LRRFIP2: variants seen among roughly 807,000 people sequenced by gnomAD.
The protein encoded by LRRFIP2 is leucine-rich repeat flightless-interacting protein 2.
In LRRFIP2, 109 loss-of-function variants were observed where a neutral mutation model predicts 125.9. The observed-to-expected ratio is 0.87, with a 90% confidence interval of 0.74 to 1.01. The LOEUF is 1.01. Among genes scored for constraint, LRRFIP2 ranks in the 50% least tolerant of loss-of-function variants. The pLI, the probability that LRRFIP2 is intolerant of heterozygous loss-of-function variation, is 0.00. For synonymous variants in LRRFIP2, 291 were observed against 293.1 expected (o/e 0.99, Z 0.07); for missense variants, 850 against 862.3 (o/e 0.99, Z 0.18).
intron 1 of LRRFIP2, among the ~76,000 whole-genome samples, chr3:37,152,406 CATAA>C (rs2096059282): frequency 6.6e-6 from 1 of 152,188 alleles, no homozygotes; most frequent in Admixed American, 6.5e-5. Context: ...AACTTACCCA[CATAA>C]CCAAAAACCA....
At chr3:37,067,553 G>T (rs928156201) in intron 21 of LRRFIP2, 7 of 152,194 alleles carry the variant, frequency 4.6e-5, no homozygotes, top group African/African-American at 1.4e-4. Context: ...ACAGCGAATT[G>T]CTGAGAAATT....
At position 37,106,582 on chromosome 3, in the gene LRRFIP2, A is replaced by C. The variant is rs553888112; in HGVS notation, c.715-1059T>G. Among the ~76,000 whole-genome samples the C allele has an allele frequency of 2.0e-5, 3 of 152,344 alleles. No homozygotes were observed. The East Asian group carries it at 5.8e-4, about 29-fold the overall frequency. On this transcript the variant is annotated intron_variant, in intron 13 of 27. Transcript: ENST00000336686. ...CAGCTACTCAGGAGGCTGAGGCAGG[A>C]GGATTACTTGAGCCCAAGAGTTCAA...
intron 1 of LRRFIP2, among the ~76,000 whole-genome samples, chr3:37,164,816 C>T (rs1398072969): frequency 2.6e-5 from 4 of 152,170 alleles, no homozygotes; most frequent in African/African-American, 9.7e-5. Context: ...GCCCTTCCTA[C>T]TGTTCACACC....
At chr3:37,098,280 T>G (rs2093827066) in intron 15 of LRRFIP2, among the ~76,000 whole-genome samples, 2 of 131,996 alleles carry the variant, frequency 1.5e-5, no homozygotes, top group South Asian at 2.3e-4. Flanking sequence ...GATTGAAATG[T>G]TTTTTTTTTT....
intron 4 of LRRFIP2, among the ~76,000 whole-genome samples, chr3:37,123,031 T>C (rs1170716996): frequency 6.6e-6 from 1 of 152,258 alleles, no homozygotes; most frequent in African/African-American, 2.4e-5. Context: ...AATGAATCAA[T>C]GCCTCAAAAC....
chr3:37,069,933 A>C (rs2090867656), intron 21 of LRRFIP2, among the ~76,000 whole-genome samples: 1 of 152,114 alleles, frequency 6.6e-6, no homozygotes, highest in African/African-American at 2.4e-5. Context: ...GGAAGGGGAG[A>C]TTAAGGCTAT....
intron 12 of LRRFIP2, 127 bp downstream of exon 12, chr3:37,108,510 G>T: frequency 2.8e-6 from 2 of 715,000 alleles, no homozygotes; most frequent in African/African-American, 1.8e-5. Context: ...AGTAATTCCA[G>T]GTCAGATTAA....
intron 2 of LRRFIP2, among the ~76,000 whole-genome samples, chr3:37,147,958 G>C (rs1388784065): frequency 6.6e-6 from 1 of 151,982 alleles, no homozygotes; most frequent in Non-Finnish European, 1.5e-5. Context: ...CAGAAGTTCT[G>C]TTACCAGCTA....
At chr3:37,094,158 CAA>C (rs1422836479) in intron 17 of LRRFIP2, among the ~76,000 whole-genome samples, 3 of 152,158 alleles carry the variant, frequency 2.0e-5, no homozygotes, top group African/African-American at 7.2e-5. Context: ...TCTCCAAGGC[CAA>C]GTGCTCAATA....
In LRRFIP2 at chr3:37,123,209, G is replaced by C. The variant is rs185002014; in HGVS notation, c.229-1518C>G. Among the ~76,000 whole-genome samples, 10 of 151,860 alleles carry C rather than the reference G, an allele frequency of 6.6e-5. No homozygotes were observed. The South Asian group carries it at 2.1e-3, about 31-fold the overall frequency. ...TGTTGTTGTTGTTGTTGTTTTTTGA[G>C]ACGGAGTCTCGCTCTGTCGCCTAGG... On this transcript the variant is annotated intron_variant, in intron 4 of 27. Coordinates refer to ENST00000336686, the MANE Select transcript of LRRFIP2 (RefSeq NM_006309.4).
chr3:37,108,028 A>T, intron 13 of LRRFIP2, 45 bp downstream of exon 13: 1 of 1,536,852 alleles, frequency 6.5e-7, no homozygotes, highest in Non-Finnish European at 9.0e-7. Flanking sequence ...GATTAACGCA[A>T]CAATCAAAAA....
rs771438920 is a variant in LRRFIP2 at position 37,054,392 on chromosome 3, A to G, written c.2055+19T>C. The G allele has an allele frequency of 1.6e-5, 25 of 1,572,140 alleles. No individual in the cohort carries two copies. In the South Asian group the frequency reaches 2.0e-4, roughly 13 times the overall value. ...CTTTTTAGGAATGTATTCTCCAAGA[A>G]ACATATTAAAAGAAGTACCTCTCGT... On this transcript the variant is annotated intron_variant, in intron 27 of 27. Transcript: ENST00000336686.
At chr3:37,086,238 T>C (rs908282876) in intron 18 of LRRFIP2, among the ~76,000 whole-genome samples, 1 of 152,200 alleles carries the variant, frequency 6.6e-6, no homozygotes, top group African/African-American at 2.4e-5. Context: ...TTAGTAAGGA[T>C]GTGGAGAAAC....
intron 1 of LRRFIP2, among the ~76,000 whole-genome samples, chr3:37,153,102 G>C (rs900860961): frequency 1.3e-5 from 2 of 152,130 alleles, no homozygotes; most frequent in Non-Finnish European, 2.9e-5. Flanking sequence ...AGGAAAAAGA[G>C]ATGCATTTTA....
intron 1 of LRRFIP2, among the ~76,000 whole-genome samples, chr3:37,161,623 G>A (rs972373538): frequency 6.6e-6 from 1 of 152,016 alleles, no homozygotes; most frequent in African/African-American, 2.4e-5. Flanking sequence ...AAACCTTCTG[G>A]AATTAGGGCT....
rs2096546341 is a variant in LRRFIP2, at chr3:37,168,865, G to C, written c.-56+5674C>G. On this transcript the variant is annotated intron_variant, in intron 1 of 27. Transcript: ENST00000336686. ...TGTGCTCATAGCACACTACAGCCTA[G>C]AACTCCTGATCTCAAGTGATCCTCC... Among the ~76,000 whole-genome samples, 4 of 152,292 alleles carry C rather than the reference G, an allele frequency of 2.6e-5. No homozygotes were observed. In the South Asian group the frequency reaches 8.3e-4, roughly 32 times the overall value.
chr3:37,145,122 A>G (rs1395313617), intron 2 of LRRFIP2, among the ~76,000 whole-genome samples: 1 of 152,234 alleles, frequency 6.6e-6, no homozygotes, highest in Non-Finnish European at 1.5e-5. Flanking sequence ...ATTAAATCTT[A>G]CAATATGATT....
intron 16 of LRRFIP2, among the ~76,000 whole-genome samples, chr3:37,096,012 CTAAAT>C (rs1337067552): frequency 6.6e-6 from 1 of 152,108 alleles, no homozygotes; most frequent in Non-Finnish European, 1.5e-5. Flanking sequence ...AATATATCAC[CTAAAT>C]TAATTTTACC....
At chr3:37,113,064 A>G in intron 7 of LRRFIP2, 84 bp from the exon 8 acceptor site, 1 of 760,140 alleles carries the variant, frequency 1.3e-6, no homozygotes, top group South Asian at 1.6e-5. Context: ...AATTATATAC[A>G]CAAAGGTCTA....
Sources: gnomAD v4.1 joint callset for allele counts (sites outside exome capture counted in the v4.1 genomes callset) on GRCh38, gnomAD v4.1.1 for gene constraint, MANE v1.5 for transcripts, NCBI Gene and HGNC (gene_info 2026-07-23, HGNC 2026-07-21) for gene names.